The following SDHAF3 variants were observed in gnomAD, a reference collection of about 807,000 sequenced individuals.
The protein encoded by SDHAF3 is succinate dehydrogenase complex assembly factor 3, also known as succinate dehydrogenase assembly factor 3, mitochondrial.
In SDHAF3, 18 loss-of-function variants were observed where a neutral mutation model predicts 11.5. That is an observed-to-expected ratio of 1.56 (90% confidence interval 1.08 to 2.32). The LOEUF (loss-of-function observed/expected upper bound fraction) is 2.32. Among genes scored for constraint, SDHAF3 ranks in the 30% most tolerant of loss-of-function variants. The pLI, the probability that SDHAF3 is intolerant of heterozygous loss-of-function variation, is 0.00. For synonymous variants in SDHAF3, 72 were observed against 59.3 expected (o/e 1.21, Z -0.99); for missense variants, 200 against 154.4 (o/e 1.30, Z -1.57).
intron 1 of SDHAF3, among the ~76,000 whole-genome samples, chr7:97,175,568 G>T (rs1247595797): frequency 6.6e-6 from 1 of 152,176 alleles, no homozygotes; most frequent in Non-Finnish European, 1.5e-5. Context: ...GGGATTACAG[G>T]TGTGAGCCAG....
At chr7:97,142,899 T>TC (rs1249872401) in intron 1 of SDHAF3, 1 of 145,918 alleles carries the variant, frequency 6.9e-6, no homozygotes, top group African/African-American at 2.6e-5. Context: ...TCTTTTTTTT[T>TC]TTTTTTTTTT....
At chr7:97,126,581 C>A (rs569368878) in intron 1 of SDHAF3, among the ~76,000 whole-genome samples, 1 of 152,062 alleles carries the variant, frequency 6.6e-6, no homozygotes, top group Admixed American at 6.5e-5. Context: ...TGAGTTCCTC[C>A]CAGTCCTTAG....
intron 1 of SDHAF3, among the ~76,000 whole-genome samples, chr7:97,140,165 TCTGA>T (rs1287095470): frequency 1.3e-5 from 2 of 152,196 alleles, no homozygotes; most frequent in Non-Finnish European, 2.9e-5. Context: ...TTGTTTTGAC[TCTGA>T]CTGTTCATTT....
intron 1 of SDHAF3, among the ~76,000 whole-genome samples, chr7:97,169,447 T>TTA (rs1789569912): frequency 6.6e-6 from 1 of 152,346 alleles, no homozygotes; most frequent in East Asian, 1.9e-4. Flanking sequence ...TCACTTGATG[T>TTA]TATAATAGAT....
At position 97,163,211 on chromosome 7, in the gene SDHAF3, G is replaced by A. The variant is rs117041025; in HGVS notation, c.175-17801G>A. Reference sequence around the variant, plus strand: ...TTAATTTTTAGTGCAGTGAAATCTCGGCTCACTGCAACCTCAGCCTTCCGG... The same window carrying A: ...TTAATTTTTAGTGCAGTGAAATCTCAGCTCACTGCAACCTCAGCCTTCCGG... On this transcript the variant is annotated intron_variant, in intron 1 of 1. Coordinates refer to ENST00000432641, the MANE Select transcript of SDHAF3 (RefSeq NM_020186.3). 2.3e-3 allele frequency among the ~76,000 whole-genome samples: 314 copies of A among 134,552 alleles called. 5 individuals are homozygous for A. The East Asian group carries it at 0.051, about 22-fold the overall frequency. 88.3% of individuals were successfully genotyped at this position (134,552 alleles called of 152,430 possible).
At chr7:97,138,646 T>C (rs932923836) in intron 1 of SDHAF3, among the ~76,000 whole-genome samples, 1 of 152,230 alleles carries the variant, frequency 6.6e-6, no homozygotes, top group Non-Finnish European at 1.5e-5. Context: ...AAGCCTTGGT[T>C]TCCTCATCAG....
At chr7:97,138,364 C>G (rs538955923) in intron 1 of SDHAF3, among the ~76,000 whole-genome samples, 1 of 152,008 alleles carries the variant, frequency 6.6e-6, no homozygotes, top group Non-Finnish European at 1.5e-5. Context: ...GGTTTCACCA[C>G]GTTGGCCAGG....
At chr7:97,130,846 A>C (rs1791659588) in intron 1 of SDHAF3, among the ~76,000 whole-genome samples, 1 of 152,288 alleles carries the variant, frequency 6.6e-6, no homozygotes, top group African/African-American at 2.4e-5. Context: ...AGGGGTTTTT[A>C]TGGGCTCAGA....
intron 1 of SDHAF3, among the ~76,000 whole-genome samples, chr7:97,128,009 T>C (rs1458299869): frequency 6.7e-6 from 1 of 149,880 alleles, no homozygotes; most frequent in Non-Finnish European, 1.5e-5. Context: ...CAAGCAGTTC[T>C]CCTGCCTCAG....
chr7:97,169,525 T>G (rs2115735928), intron 1 of SDHAF3, among the ~76,000 whole-genome samples: 1 of 152,296 alleles, frequency 6.6e-6, no homozygotes, highest in South Asian at 2.1e-4. Context: ...ATGTAAATAA[T>G]TTGTTATAAA....
chr7:97,134,470 G>A (rs148384790), intron 1 of SDHAF3, among the ~76,000 whole-genome samples: 2 of 152,246 alleles, frequency 1.3e-5, no homozygotes, highest in East Asian at 1.9e-4. Flanking sequence ...TTTTTGAGAC[G>A]GAGTCTTGCT....
intron 1 of SDHAF3, among the ~76,000 whole-genome samples, chr7:97,125,007 G>T (rs1791554718): frequency 6.6e-6 from 1 of 152,068 alleles, no homozygotes; most frequent in Admixed American, 6.5e-5. Flanking sequence ...GATTGCTCTG[G>T]CCAGAACTTC....
chr7:97,127,553 T>C (rs1791594064), intron 1 of SDHAF3, among the ~76,000 whole-genome samples: 1 of 152,214 alleles, frequency 6.6e-6, no homozygotes, highest in Non-Finnish European at 1.5e-5. Context: ...ACACATGTAT[T>C]ATTAAGTGGC....
intron 1 of SDHAF3, among the ~76,000 whole-genome samples, chr7:97,154,478 A>AT (rs956058670): frequency 2.2e-4 from 33 of 148,728 alleles, no homozygotes; most frequent in East Asian, 4.0e-4. Flanking sequence ...TTCCAATTGG[A>AT]TTTTTTTTTT....
chr7:97,120,498 C>CA (rs1791474930), intron 1 of SDHAF3, among the ~76,000 whole-genome samples: 1 of 151,998 alleles, frequency 6.6e-6, no homozygotes. Context: ...TTTTCCCCCC[C>CA]ACCTGTTCTT....
intron 1 of SDHAF3, among the ~76,000 whole-genome samples, chr7:97,173,788 A>T (rs1235104498): frequency 6.6e-6 from 1 of 152,018 alleles, no homozygotes; most frequent in Admixed American, 6.5e-5. Flanking sequence ...TCCTGACCTC[A>T]TGATCTGCCC....
At position 97,118,778 on chromosome 7, in the gene SDHAF3, G is replaced by A. The variant is rs997829465; in HGVS notation, c.174+881G>A. On this transcript the variant is annotated intron_variant, in intron 1 of 1. Coordinates refer to ENST00000432641, the MANE Select transcript of SDHAF3 (RefSeq NM_020186.3). Reference sequence around the variant, plus strand: ...GTTGAAGGGGAGATGACTGAAGTCGGCTTTGTAAAAAAAAATCAAAAGAAT... The same window carrying A: ...GTTGAAGGGGAGATGACTGAAGTCGACTTTGTAAAAAAAAATCAAAAGAAT... Among the ~76,000 whole-genome samples, 2 of 151,436 alleles carry A rather than the reference G, an allele frequency of 1.3e-5. 1 individual carries two copies. Among genetic ancestry groups the A allele is most frequent in the East Asian group, 3.9e-4 (2 of 5,182 alleles).
intron 1 of SDHAF3, among the ~76,000 whole-genome samples, chr7:97,141,453 A>C (rs1250682947): frequency 6.6e-6 from 1 of 152,092 alleles, no homozygotes; most frequent in African/African-American, 2.4e-5. Flanking sequence ...TTCCCCGGAC[A>C]CCCAGCTTTA....
At chr7:97,122,430 G>T (rs1291750513) in intron 1 of SDHAF3, among the ~76,000 whole-genome samples, 1 of 151,828 alleles carries the variant, frequency 6.6e-6, no homozygotes, top group African/African-American at 2.4e-5. Context: ...GATGGATGTA[G>T]TAATCCCAGT....
Sources: allele counts gnomAD v4.1 joint callset (sites outside exome capture counted in the v4.1 genomes callset), GRCh38; gene constraint gnomAD v4.1.1; transcripts MANE v1.5; gene names NCBI Gene and HGNC (gene_info 2026-07-23, HGNC 2026-07-21).